The following RTL4 variants were observed in gnomAD, a reference collection of about 807,000 sequenced individuals.
RTL4 encodes the protein retrotransposon Gag-like protein 4.
In RTL4, 4 loss-of-function variants were observed where a neutral mutation model predicts 5.3. That is an observed-to-expected ratio of 0.75 (90% CI 0.37 to 1.72). The LOEUF (loss-of-function observed/expected upper bound fraction) is 1.72. RTL4 is among the 40% of genes most tolerant of loss of function. The probability of loss-of-function intolerance (pLI) is 0.04; values close to 1 mark genes in which losing one functional copy is unlikely to be tolerated. For synonymous variants in RTL4, 98 were observed against 87.3 expected, an observed-to-expected ratio of 1.12 and a Z score of -0.68; for missense variants, 260 against 227.1, an observed-to-expected ratio of 1.14 and a Z score of -0.93.
chrX:112,407,030 T>C, the RTL4 span, among the ~76,000 whole-genome samples: 1 of 109,017 alleles, frequency 9.2e-6, no homozygotes, highest in South Asian at 4.0e-4. Flanking sequence ...GGGCCTTGGG[T>C]GAGATACACA....
At chrX:112,412,668 C>A in the RTL4 span, among the ~76,000 whole-genome samples, 1 of 111,641 alleles carries the variant, frequency 9.0e-6, no homozygotes, top group Admixed American at 9.5e-5. Flanking sequence ...AAGAATGAAA[C>A]TAGACCTCTA....
At chrX:112,257,388 T>C in the RTL4 span, among the ~76,000 whole-genome samples, 95 of 111,880 alleles carry the variant, frequency 8.5e-4, no homozygotes, top group Middle Eastern at 4.6e-3. Flanking sequence ...TCTATGTTCA[T>C]AATTGAGATT....
the RTL4 span, among the ~76,000 whole-genome samples, chrX:112,230,888 AC>A: frequency 1.8e-5 from 2 of 112,099 alleles, no homozygotes; most frequent in South Asian, 3.7e-4. Flanking sequence ...CAAGAAAAAA[AC>A]AACCCCATCA....
At chrX:112,350,815 A>C in the RTL4 span, among the ~76,000 whole-genome samples, 4 of 110,777 alleles carry the variant, frequency 3.6e-5, no homozygotes, top group Non-Finnish European at 5.7e-5. Flanking sequence ...TTCAAAAAAC[A>C]AGCTCCTGGA....
the RTL4 span, among the ~76,000 whole-genome samples, chrX:112,100,173 A>G: frequency 2.7e-5 from 3 of 111,949 alleles, no homozygotes; most frequent in Non-Finnish European, 5.7e-5. Context: ...AGTATAATGA[A>G]GATTGAAAAC....
At chrX:112,366,599 G>A in the RTL4 span, among the ~76,000 whole-genome samples, 1 of 111,917 alleles carries the variant, frequency 8.9e-6, no homozygotes, top group Non-Finnish European at 1.9e-5. Context: ...AGTATGCTAG[G>A]CTGCCTTTCC....
chrX:112,138,633 T>C, the RTL4 span, among the ~76,000 whole-genome samples: 1 of 111,557 alleles, frequency 9.0e-6, no homozygotes, highest in Non-Finnish European at 1.9e-5. Flanking sequence ...AGTTTTGGTC[T>C]TATTATCCAA....
At chrX:112,431,901 C>A in the RTL4 span, among the ~76,000 whole-genome samples, 68 of 79,799 alleles carry the variant, frequency 8.5e-4, no homozygotes, top group African/African-American at 3.0e-3. Flanking sequence ...CCACAACAGT[C>A]CCCAGAGTGT....
the RTL4 span, among the ~76,000 whole-genome samples, chrX:112,189,764 CA>C: frequency 0.24 from 24,314 of 99,295 alleles, 2,383 homozygotes; most frequent in African/African-American, 0.34. Flanking sequence ...AACTCCATCT[CA>C]AAAAAAAAAA....
At chrX:112,256,760 G>C in the RTL4 span, among the ~76,000 whole-genome samples, 1,058 of 111,325 alleles carry the variant, frequency 9.5e-3, 18 homozygotes, top group African/African-American at 0.033. Context: ...ATATTCTTTA[G>C]TCCATATGAT....
At chrX:112,249,876 A>T in the RTL4 span, among the ~76,000 whole-genome samples, 1 of 109,864 alleles carries the variant, frequency 9.1e-6, no homozygotes, top group African/African-American at 3.3e-5. Flanking sequence ...GGGAAAACAG[A>T]GATAAGTATT....
At chrX:112,159,123 A>G in the RTL4 span, among the ~76,000 whole-genome samples, 15 of 112,230 alleles carry the variant, frequency 1.3e-4, no homozygotes, top group African/African-American at 4.2e-4. Flanking sequence ...TTCTTTTTCT[A>G]TGAATTTCCT....
At chrX:112,190,056 G>A in the RTL4 span, among the ~76,000 whole-genome samples, 1 of 112,060 alleles carries the variant, frequency 8.9e-6, no homozygotes, top group Admixed American at 9.5e-5. Context: ...AGTCAGTAAT[G>A]CGATAATGCA....
chrX:112,387,929 T>G, the RTL4 span, among the ~76,000 whole-genome samples: 1 of 111,985 alleles, frequency 8.9e-6, no homozygotes, highest in Admixed American at 9.4e-5. Context: ...TTATGAACTT[T>G]AAAATAGGTT....
At chrX:112,374,849 G>A in the RTL4 span, among the ~76,000 whole-genome samples, 1 of 111,203 alleles carries the variant, frequency 9.0e-6, no homozygotes, top group East Asian at 2.8e-4. Context: ...CATTGCCCTC[G>A]GCTGAAGAGA....
chrX:112,318,801 A>G, the RTL4 span, among the ~76,000 whole-genome samples: 1 of 111,560 alleles, frequency 9.0e-6, no homozygotes, highest in Admixed American at 9.6e-5. Context: ...TTGACTTTTT[A>G]TATCTACAAA....
chrX:112,397,707 A>G, the RTL4 span, among the ~76,000 whole-genome samples: 2 of 111,947 alleles, frequency 1.8e-5, no homozygotes, highest in African/African-American at 6.5e-5. Context: ...TAGATCTTAT[A>G]CATGTTTTAG....
chrX:112,118,916 G>A, the RTL4 span, among the ~76,000 whole-genome samples: 16 of 110,137 alleles, frequency 1.5e-4, no homozygotes, highest in Non-Finnish European at 2.3e-4. Context: ...ATGGAGTCTC[G>A]CTCTGTCACC....
the RTL4 span, among the ~76,000 whole-genome samples, chrX:112,169,053 T>TTTCTTTCTTTCTTTCTTTCTTTC: frequency 8.0e-3 from 297 of 37,222 alleles, 2 homozygotes; most frequent in Non-Finnish European, 0.011. Context: ...TCTTTCTTTC[T>TTTCTTTCTTTCTTTCTTTCTTTC]TTCTTTCTTT....
Sources: gnomAD v4.1 joint callset for allele counts (sites outside exome capture counted in the v4.1 genomes callset) on GRCh38, gnomAD v4.1.1 for gene constraint, MANE v1.5 for transcripts, NCBI Gene and HGNC (gene_info 2026-07-23, HGNC 2026-07-21) for gene names.